The following CD1B variants were observed in gnomAD, a reference collection of about 807,000 sequenced individuals.
CD1B encodes the protein T-cell surface glycoprotein CD1b.
Under a neutral mutation model 39.8 loss-of-function variants are expected in CD1B, and 43 were observed. That is an observed-to-expected ratio of 1.08 (90% CI 0.85 to 1.39). CD1B has a LOEUF of 1.39. Ranked by LOEUF, CD1B falls within the 40% of genes most tolerant of loss-of-function variation. CD1B has a pLI of 0.00. For synonymous variants in CD1B, 192 were observed against 152.5 expected, an observed-to-expected ratio of 1.26 and a Z score of -1.91; for missense variants, 495 against 403.8, an observed-to-expected ratio of 1.23 and a Z score of -1.94.
chr1:158,321,406 T>A, the CD1B span, among the ~76,000 whole-genome samples: 1 of 152,236 alleles, frequency 6.6e-6, no homozygotes, highest in Non-Finnish European at 1.5e-5. Flanking sequence ...TTCTTCTGCG[T>A]AAAGTGAGGC....
In CD1B at chr1:158,328,924, C is replaced by T. The variant is rs148316466; in HGVS notation, c.977G>A (p.Arg326His). The T allele has an allele frequency of 6.1e-4, 966 of 1,596,674 alleles. 6 individuals are homozygous for T. Among genetic ancestry groups the T allele is most frequent in the South Asian group, 3.3e-3 (287 of 87,426 alleles). ...AACAACACCACCCACAACTCACCGGCGCCTCATATACCATAATGCAAGGCA... is the reference window on the plus strand; with the variant it reads ...AACAACACCACCCACAACTCACCGGTGCCTCATATACCATAATGCAAGGCA... ...LLCLALWYMR[R>H]RSYQNIP Residue 326 changes from arginine to histidine, a missense_variant, in exon 5 of 6, where the codon CGC (arginine) becomes CAC (histidine). Arg to His is a conservative substitution (Grantham distance 29). Coordinates refer to ENST00000368168, the MANE Select transcript of CD1B (RefSeq NM_001764.3).
At chr1:158,325,321 A>G (rs1029208924), downstream of CD1B, among the ~76,000 whole-genome samples, 2 of 152,126 alleles carry the variant, frequency 1.3e-5, no homozygotes, top group African/African-American at 4.8e-5. Context: ...TCATGATTTT[A>G]TGTTGTTCTC....
At chr1:158,321,198 A>G in the CD1B span, among the ~76,000 whole-genome samples, 1 of 152,198 alleles carries the variant, frequency 6.6e-6, no homozygotes, top group African/African-American at 2.4e-5. Context: ...TGTTGGGTAC[A>G]TGCATATTTA....
chr1:158,292,506 G>C, the CD1B span: 1 of 1,501,940 alleles, frequency 6.7e-7, no homozygotes, highest in Non-Finnish European at 9.0e-7. Context: ...GCAGGAAAAA[G>C]ATAACTGTGC....
chr1:158,294,421 T>C, the CD1B span, among the ~76,000 whole-genome samples: 49 of 152,208 alleles, frequency 3.2e-4, no homozygotes, highest in Non-Finnish European at 5.9e-4. Context: ...TGAGATTGTG[T>C]CCACTCTCCT....
chr1:158,293,231 T>C, the CD1B span: 16 of 1,613,822 alleles, frequency 9.9e-6, no homozygotes, highest in African/African-American at 9.3e-5. Context: ...TTTCCATGAA[T>C]TGGATTGCCT....
At chr1:158,293,111 G>A in the CD1B span, 22 of 995,234 alleles carry the variant, frequency 2.2e-5, no homozygotes, top group Admixed American at 4.2e-5. Context: ...GATAACTGAT[G>A]CAACTCATCC....
the CD1B span, chr1:158,292,700 T>C: frequency 1.9e-6 from 3 of 1,614,170 alleles, no homozygotes; most frequent in Non-Finnish European, 2.5e-6. Context: ...TTGGGTGACA[T>C]GGATGCGGAA....
chr1:158,302,563 A>G, the CD1B span, among the ~76,000 whole-genome samples: 3 of 152,154 alleles, frequency 2.0e-5, no homozygotes, highest in Admixed American at 2.0e-4. Context: ...GAAAAAGATG[A>G]GAAAATCCAC....
chr1:158,292,703 A>G, the CD1B span: 1 of 1,614,150 alleles, frequency 6.2e-7, no homozygotes, highest in Non-Finnish European at 8.5e-7. Context: ...GGTGACATGG[A>G]TGCGGAATGA....
the CD1B span, among the ~76,000 whole-genome samples, chr1:158,320,648 C>T: frequency 2.1e-4 from 32 of 152,164 alleles, no homozygotes; most frequent in Admixed American, 5.2e-4. Context: ...AGCTGTAGAC[C>T]GGAGCTCTTC....
chr1:158,325,219 C>T (rs1321646), downstream of CD1B, among the ~76,000 whole-genome samples: 18,088 of 152,014 alleles, frequency 0.12, 1,416 homozygotes, highest in East Asian at 0.38. Context: ...TGACCCAGGG[C>T]ACTTTGAGGT....
chr1:158,324,414 G>T (rs1311938330), downstream of CD1B, among the ~76,000 whole-genome samples: 8 of 152,092 alleles, frequency 5.3e-5, no homozygotes, highest in Non-Finnish European at 1.2e-4. Flanking sequence ...GGATATGAGT[G>T]GGTTACCTCC....
At chr1:158,313,038 T>C in the CD1B span, among the ~76,000 whole-genome samples, 5 of 152,236 alleles carry the variant, frequency 3.3e-5, no homozygotes, top group Non-Finnish European at 7.3e-5. Flanking sequence ...ACCTAATTTA[T>C]TGATAACTTT....
intron 2 of CD1B, 38 bp from the exon 3 acceptor site, chr1:158,330,168 A>G: frequency 1.3e-6 from 2 of 1,541,896 alleles, no homozygotes; most frequent in Non-Finnish European, 8.7e-7. Flanking sequence ...ATTAAACACA[A>G]ATAAGAAAAA....
the CD1B span, among the ~76,000 whole-genome samples, chr1:158,298,787 G>A: frequency 1.5e-3 from 234 of 152,234 alleles, 1 homozygote; most frequent in African/African-American, 5.5e-3. Context: ...ATTGTGAATG[G>A]GAGTTCACTC....
the CD1B span, among the ~76,000 whole-genome samples, chr1:158,306,255 A>T: frequency 6.6e-6 from 1 of 152,114 alleles, no homozygotes; most frequent in South Asian, 2.1e-4. Context: ...CAAATGGAAA[A>T]CAAAAAAAGG....
chr1:158,302,963 T>C, the CD1B span, among the ~76,000 whole-genome samples: 2 of 152,074 alleles, frequency 1.3e-5, no homozygotes, highest in East Asian at 1.9e-4. Context: ...TACCAAAACC[T>C]GGTAGAGACA....
chr1:158,293,054 G>A, the CD1B span, among the ~76,000 whole-genome samples: 2 of 152,182 alleles, frequency 1.3e-5, no homozygotes, highest in Admixed American at 6.5e-5. Context: ...AAGGGGAAAT[G>A]AGGAATCCTT....
Sources: allele counts gnomAD v4.1 joint callset (sites outside exome capture counted in the v4.1 genomes callset), GRCh38; gene constraint gnomAD v4.1.1; transcripts MANE v1.5; gene names NCBI Gene and HGNC (gene_info 2026-07-23, HGNC 2026-07-21).